ME3: variants seen among roughly 807,000 people sequenced by gnomAD.
ME3 encodes malic enzyme 3.
In ME3, 48 loss-of-function variants were observed where a neutral mutation model predicts 68.9. That is an observed-to-expected ratio of 0.70 (90% CI 0.55 to 0.89). ME3 has a LOEUF of 0.89. Ranked by LOEUF, ME3 falls within the 40% of genes least tolerant of loss-of-function variation. The pLI, the probability that ME3 is intolerant of heterozygous loss-of-function variation, is 0.00. For synonymous variants in ME3, 320 were observed against 318.8 expected (o/e 1.00, Z -0.04); for missense variants, 675 against 797.4 (o/e 0.85, Z 1.85).
chr11:86,556,362 C>T (rs1010812588), intron 4 of ME3, among the ~76,000 whole-genome samples, 191 bp downstream of exon 4: 1 of 152,140 alleles, frequency 6.6e-6, no homozygotes, highest in African/African-American at 2.4e-5. Context: ...TTGCTAGCTA[C>T]TCTTTTCACT....
At chr11:86,650,872 A>C (rs899223777) in intron 2 of ME3, among the ~76,000 whole-genome samples, 16 of 152,226 alleles carry the variant, frequency 1.1e-4, no homozygotes, top group Non-Finnish European at 1.9e-4. Context: ...AGAGGGCACC[A>C]GGAAAATCAG....
rs772113233 is a variant in ME3 at position 86,448,134 on chromosome 11, C to T, written c.1237+16G>A. ...GGTTAGCTGGGCTGGGTAGTGGGTACCCTCCCTCCTCCTACCTATGATGGC... is the reference window on the plus strand; with the variant it reads ...GGTTAGCTGGGCTGGGTAGTGGGTATCCTCCCTCCTCCTACCTATGATGGC... On this transcript the variant is annotated intron_variant, in intron 11 of 14. Transcript: ENST00000543262. The T allele has an allele frequency of 6.3e-7, 1 of 1,575,664 alleles. No homozygotes were observed.
chr11:86,526,862 T>C (rs1954795572), intron 4 of ME3, among the ~76,000 whole-genome samples: 1 of 152,224 alleles, frequency 6.6e-6, no homozygotes, highest in Admixed American at 6.5e-5. Context: ...AAACCCCATC[T>C]GTACGTCACC....
intron 7 of ME3, among the ~76,000 whole-genome samples, chr11:86,469,497 C>T (rs184436066): frequency 1.4e-4 from 21 of 152,350 alleles, no homozygotes; most frequent in African/African-American, 4.8e-4. Context: ...CAGCTCCCTA[C>T]TCAGGGCTCT....
At chr11:86,561,835 C>T (rs1477978432) in intron 2 of ME3, among the ~76,000 whole-genome samples, 1 of 152,190 alleles carries the variant, frequency 6.6e-6, no homozygotes, top group East Asian at 1.9e-4. Flanking sequence ...CTACCCTCTT[C>T]ACTGAGATTG....
At chr11:86,518,462 A>C (rs1481137333) in intron 4 of ME3, among the ~76,000 whole-genome samples, 1 of 152,126 alleles carries the variant, frequency 6.6e-6, no homozygotes, top group Non-Finnish European at 1.5e-5. Context: ...GAAATTTACT[A>C]CGCCCAGCCA....
intron 8 of ME3, among the ~76,000 whole-genome samples, chr11:86,459,207 CAG>C (rs1487825244): frequency 2.0e-5 from 3 of 152,140 alleles, no homozygotes; most frequent in Admixed American, 6.5e-5. Context: ...AGAAAACTCA[CAG>C]AAGAGTGACT....
At chr11:86,565,341 T>C (rs576575016) in intron 2 of ME3, among the ~76,000 whole-genome samples, 1 of 152,162 alleles carries the variant, frequency 6.6e-6, no homozygotes, top group Admixed American at 6.5e-5. Context: ...AAGCTGAACA[T>C]AGAATTACCA....
intron 2 of ME3, among the ~76,000 whole-genome samples, chr11:86,599,041 T>C (rs1960110469): frequency 6.6e-6 from 1 of 151,958 alleles, no homozygotes; most frequent in Non-Finnish European, 1.5e-5. Context: ...AAAAGCAGAG[T>C]GCCTCTCCTC....
At chr11:86,556,388 G>A (rs561823884) in intron 4 of ME3, among the ~76,000 whole-genome samples, 165 bp downstream of exon 4, 4 of 150,604 alleles carry the variant, frequency 2.7e-5, no homozygotes, top group East Asian at 3.9e-4. Context: ...CTCTGCTTAC[G>A]GGGTCATTTT....
At chr11:86,560,746 G>GTGTGTATGTGTA (rs1957179562) in intron 2 of ME3, among the ~76,000 whole-genome samples, 1 of 90,258 alleles carries the variant, frequency 1.1e-5, no homozygotes, top group Non-Finnish European at 2.1e-5. Flanking sequence ...GTGTGTGTGT[G>GTGTGTATGTGTA]TGTATATATA....
chr11:86,580,489 T>C (rs1958380265), intron 2 of ME3, among the ~76,000 whole-genome samples: 1 of 152,228 alleles, frequency 6.6e-6, no homozygotes, highest in Non-Finnish European at 1.5e-5. Flanking sequence ...TTGAATAGTA[T>C]GGAAATTTTA....
intron 2 of ME3, among the ~76,000 whole-genome samples, chr11:86,578,495 C>T (rs950225651): frequency 6.6e-6 from 1 of 152,094 alleles, no homozygotes; most frequent in African/African-American, 2.4e-5. Flanking sequence ...GGGCGGGGTG[C>T]CAGAACTGGA....
chr11:86,533,288 A>C (rs1388871222), intron 4 of ME3, among the ~76,000 whole-genome samples: 1 of 152,178 alleles, frequency 6.6e-6, no homozygotes, highest in African/African-American at 2.4e-5. Flanking sequence ...GAGAAGACTC[A>C]AAATCAGAAA....
chr11:86,637,619 G>C (rs1377901500), intron 2 of ME3, among the ~76,000 whole-genome samples: 1 of 152,168 alleles, frequency 6.6e-6, no homozygotes, highest in African/African-American at 2.4e-5. Context: ...GGATGATGAG[G>C]CTCGATTGAG....
chr11:86,492,827 C>A (rs1436813704), intron 6 of ME3, among the ~76,000 whole-genome samples: 1 of 152,236 alleles, frequency 6.6e-6, no homozygotes, highest in Admixed American at 6.5e-5. Flanking sequence ...CACTGGATTT[C>A]AGCTGGAAGA....
At chr11:86,574,922 T>TGCACGCCTCTACCAGG (rs370392363) in intron 2 of ME3, among the ~76,000 whole-genome samples, 6 of 148,768 alleles carry the variant, frequency 4.0e-5, no homozygotes, top group African/African-American at 1.0e-4. Flanking sequence ...TGTGAAGGTA[T>TGCACGCCTCTACCAGG]CTGCAAATTC....
chr11:86,465,013 T>G, intron 8 of ME3, 78 bp downstream of exon 8: 1 of 1,204,710 alleles, frequency 8.3e-7, no homozygotes, highest in South Asian at 1.2e-5. Context: ...CAGCCTTTCC[T>G]CACCCCTTTG....
At chr11:86,558,913 G>C (rs977767264) in intron 3 of ME3, among the ~76,000 whole-genome samples, 4 of 152,150 alleles carry the variant, frequency 2.6e-5, no homozygotes, top group Non-Finnish European at 5.9e-5. Context: ...GTAGAATATA[G>C]ATTTGAACTC....
Sources: gnomAD v4.1 joint callset for allele counts (sites outside exome capture counted in the v4.1 genomes callset) on GRCh38, gnomAD v4.1.1 for gene constraint, MANE v1.5 for transcripts, NCBI Gene and HGNC (gene_info 2026-07-23, HGNC 2026-07-21) for gene names.